Variants in SETD2 observed in about 807,000 individuals in gnomAD.
The protein encoded by SETD2 is histone-lysine N-methyltransferase SETD2.
SETD2 carries 31 observed loss-of-function variants against 242.1 expected under a neutral mutation model. That is an observed-to-expected ratio of 0.13 (90% CI 0.10 to 0.17). The LOEUF (loss-of-function observed/expected upper bound fraction) is 0.17, where lower values mean the gene tolerates loss of function less well. SETD2 is among the 10% of genes least tolerant of loss of function. The pLI is 1.00. For synonymous variants in SETD2, 1,006 were observed against 1,066.5 expected (o/e 0.94, Z 1.11); for missense variants, 2,481 against 3,046.3 (o/e 0.81, Z 4.37).
chr3:47,116,550 T>C, intron 4 of SETD2, 73 bp downstream of exon 4: 2 of 1,464,652 alleles, frequency 1.4e-6, no homozygotes, highest in South Asian at 2.5e-5. Context: ...ATTTTATTCT[T>C]CATTGATAAT....
chr3:47,046,596 T>A lies in SETD2; in HGVS notation c.6989A>T (p.Tyr2330Phe). 6.2e-7 allele frequency: 1 copy of A among 1,612,028 alleles called. No individual in the cohort carries two copies. Among genetic ancestry groups the A allele is most frequent in the East Asian group, 2.2e-5 (1 of 44,822 alleles). Residue 2330 changes from tyrosine (Y) to phenylalanine (F), a missense_variant, in exon 16 of 21, where the codon TAT becomes TTT. By Grantham distance (22) the Tyr-to-Phe change is conservative (BLOSUM62 3). This residue lies in a region of SETD2 where 235 missense variants were observed against 293.9 expected (regional missense o/e 0.80). Coordinates refer to ENST00000409792, the MANE Select transcript of SETD2 (RefSeq NM_014159.7). ...VQSYAQPSLQYIQGQQIFTAH... is the reference protein window; with the variant it reads ...VQSYAQPSLQFIQGQQIFTAH... Reference sequence around the variant, plus strand: ...TGTGAAAATCTGTTGCCCCTGGATATACTGAAGACTTGGCTGGGCATAACT... The same window carrying A: ...TGTGAAAATCTGTTGCCCCTGGATAAACTGAAGACTTGGCTGGGCATAACT...
At chr3:47,142,040 C>T (rs2043741717) in intron 1 of SETD2, among the ~76,000 whole-genome samples, 1 of 152,136 alleles carries the variant, frequency 6.6e-6, no homozygotes, top group African/African-American at 2.4e-5. Context: ...TTACAATGCA[C>T]TGAATGCACC....
intron 15 of SETD2, among the ~76,000 whole-genome samples, chr3:47,049,150 T>A (rs893793618): frequency 1.7e-4 from 26 of 151,672 alleles, no homozygotes; most frequent in South Asian, 6.2e-4. Flanking sequence ...CGCTATGTTG[T>A]CTAGGCTAGT....
Position 47,084,316 on chromosome 3 carries a change from G to C in SETD2, c.5464C>G (p.Pro1822Ala), listed in dbSNP as rs2107640669. 1 of 1,613,850 alleles carries C rather than the reference G, an allele frequency of 6.2e-7. No homozygotes were observed. Among genetic ancestry groups the C allele is most frequent in the Non-Finnish European group, 8.5e-7 (1 of 1,179,856 alleles). The stretch of plus-strand genomic sequence containing the variant: ...GTCTGAGACCAGCGTTGAATAATTG[G>C]AAGTACTTTGCTTTCCTCCAACATA... ...KNMLEESKVL[P>A]IIQRWSQTKT... is the part of the protein sequence containing the mutation. Residue 1822 changes from proline to alanine, a missense_variant, in exon 12 of 21, where the codon CCA (proline) becomes GCA (alanine). By Grantham distance (27) the Pro-to-Ala change is conservative. Coordinates refer to ENST00000409792, the MANE Select transcript of SETD2 (RefSeq NM_014159.7).
At chr3:47,159,966 C>G (rs560212673) in intron 1 of SETD2, among the ~76,000 whole-genome samples, 2 of 150,524 alleles carry the variant, frequency 1.3e-5, no homozygotes, top group South Asian at 4.2e-4. Context: ...CAGAGTGAGA[C>G]TCCATTCCAA....
At chr3:47,077,964 A>C (rs1207881584) in intron 12 of SETD2, among the ~76,000 whole-genome samples, 1 of 152,230 alleles carries the variant, frequency 6.6e-6, no homozygotes, top group Non-Finnish European at 1.5e-5. Flanking sequence ...AAATAGTATA[A>C]ATCAATGAAT....
chr3:47,150,586 A>G (rs2043961366), intron 1 of SETD2, among the ~76,000 whole-genome samples: 1 of 152,124 alleles, frequency 6.6e-6, no homozygotes, highest in Non-Finnish European at 1.5e-5. Flanking sequence ...ATACCAACAG[A>G]AGAAGCATAA....
At chr3:47,035,065 CA>C (rs1248251049) in intron 18 of SETD2, among the ~76,000 whole-genome samples, 1 of 152,206 alleles carries the variant, frequency 6.6e-6, no homozygotes, top group Non-Finnish European at 1.5e-5. Context: ...CAAATATACT[CA>C]CTCTGGGTGG....
chr3:47,065,716 T>C (rs761399108), intron 13 of SETD2, among the ~76,000 whole-genome samples: 4 of 152,168 alleles, frequency 2.6e-5, no homozygotes, highest in Non-Finnish European at 5.9e-5. Flanking sequence ...GGCAAGAGGA[T>C]TGCCTGAGCC....
Position 47,107,724 on chromosome 3 carries a change from GGGGGGT to G in SETD2, c.4716-1610_4716-1605del, listed in dbSNP as rs1455445567. On this transcript the variant is annotated intron_variant, in intron 5 of 20. Transcript: ENST00000409792. ...AAGAAAAGTCACTTTGGGTGGCGGG[GGGGGGT>G]GGGGGGGGGGTGGCAGGATTGCTTT... Among the ~76,000 whole-genome samples, 21 of 19,606 alleles carry G rather than the reference GGGGGGT, an allele frequency of 1.1e-3. No individual in the cohort carries two copies. In the East Asian group the frequency reaches 0.016, roughly 15 times the overall value. The allele number at this position is 19,606 out of a possible 152,430, so 12.9% of individuals were successfully genotyped here.
Position 47,140,820 on chromosome 3 carries a change from G to A in SETD2, c.72-14157C>T, listed in dbSNP as rs148584257. Among the ~76,000 whole-genome samples, 625 of 152,154 alleles carry A rather than the reference G, an allele frequency of 4.1e-3. 21 individuals carry two copies. The East Asian group carries it at 0.062, about 15-fold the overall frequency. On this transcript the variant is annotated intron_variant, in intron 1 of 20. Coordinates refer to ENST00000409792, the MANE Select transcript of SETD2 (RefSeq NM_014159.7). ...GGAGGTTGCAGTGAGCTGAGATTGC[G>A]CCATTGCACTCCAGCCTGGGTGACA...
intron 17 of SETD2, among the ~76,000 whole-genome samples, chr3:47,039,533 A>G (rs1575672145): frequency 6.6e-6 from 1 of 150,922 alleles, no homozygotes; most frequent in African/African-American, 2.4e-5. Flanking sequence ...TTATTTTTGG[A>G]AGATTGATAG....
At chr3:47,092,569 A>C (rs977940497) in intron 9 of SETD2, among the ~76,000 whole-genome samples, 6 of 149,978 alleles carry the variant, frequency 4.0e-5, no homozygotes, top group Non-Finnish European at 5.9e-5. Flanking sequence ...TATATTTACT[A>C]TATATAGTGC....
At chr3:47,088,662 A>G (rs1409470959) in intron 9 of SETD2, among the ~76,000 whole-genome samples, 2 of 152,178 alleles carry the variant, frequency 1.3e-5, no homozygotes, top group Non-Finnish European at 2.9e-5. Context: ...TGTGTGAGAT[A>G]TATCTCCTTC....
intron 1 of SETD2, among the ~76,000 whole-genome samples, chr3:47,149,190 T>C (rs1371731545): frequency 6.6e-6 from 1 of 152,190 alleles, no homozygotes; most frequent in Non-Finnish European, 1.5e-5. Context: ...ATGTTATTCC[T>C]TAACATCATT....
At position 47,017,842 on chromosome 3, in the gene SETD2, CCTT is replaced by C. The variant is rs554430974; in HGVS notation, c.7432-106_7432-104del. The C allele has an allele frequency of 6.2e-4, 496 of 800,532 alleles. 4 individuals are homozygous for C. The highest frequency in any genetic ancestry group is 5.5e-3 in the African/African-American group (326 of 59,424). The allele number at this position is 800,532 out of a possible 1,614,324, so 49.6% of individuals were successfully genotyped here. A position where few individuals can be genotyped will look rare whatever the true frequency, so the allele number is the denominator to read the frequency against. Reference sequence around the variant, plus strand: ...AAGGTAGTGAGTAAAGCCAGCCAATCCTTCTCCTTTTCCTCCCTCAGGTTAACT... The same window carrying C: ...AAGGTAGTGAGTAAAGCCAGCCAATCCTCCTTTTCCTCCCTCAGGTTAACT... On this transcript the variant is annotated intron_variant, in intron 19 of 20. Coordinates refer to ENST00000409792, the MANE Select transcript of SETD2 (RefSeq NM_014159.7). This position sits in a 1 kb window ranked among gnomAD's most constrained non-coding sequence, Gnocchi z 4.8.
chr3:47,080,334 C>A (rs570261773), intron 12 of SETD2, among the ~76,000 whole-genome samples: 10 of 152,102 alleles, frequency 6.6e-5, no homozygotes, highest in Admixed American at 2.0e-4. Flanking sequence ...TGGAAATACC[C>A]AGACTTCATT....
At position 47,120,744 on chromosome 3, in the gene SETD2, C is replaced by T. The variant is rs2043043639; in HGVS notation, c.3892G>A (p.Asp1298Asn). 6.2e-7 allele frequency: 1 copy of T among 1,614,088 alleles called. No individual in the cohort carries two copies. Among genetic ancestry groups the T allele is most frequent in the Non-Finnish European group, 8.5e-7 (1 of 1,180,044 alleles). ...QNAEQYGGTR[D>N]YWQGNGYWDP... ...CAGTAACCATTGCCTTGCCAGTAAT[C>T]ACGTGTCCCACCATACTGTTCTGCA... Residue 1298 changes from aspartate to asparagine, a missense_variant, in exon 3 of 21, where the codon GAT becomes AAT. Asp to Asn is a conservative substitution (Grantham distance 23). Transcript: ENST00000409792.
At chr3:47,164,752 C>CG (rs1697621931), upstream of SETD2, among the ~76,000 whole-genome samples, 1 of 152,218 alleles carries the variant, frequency 6.6e-6, no homozygotes, top group African/African-American at 2.4e-5. This position sits in a 1 kb window ranked among gnomAD's most constrained non-coding sequence, Gnocchi z 5.4. Flanking sequence ...GCCGAGCTCC[C>CG]GGCAGCCTCC....
Sources: gnomAD v4.1 joint callset for allele counts (sites outside exome capture counted in the v4.1 genomes callset) on GRCh38, gnomAD v4.1.1 for gene constraint, gnomAD v4.1.1 regional missense constraint, Gnocchi (gnomAD v3.1) non-coding constraint, MANE v1.5 for transcripts, NCBI Gene and HGNC (gene_info 2026-07-23, HGNC 2026-07-21) for gene names.